The following PRH1 variants were observed in gnomAD, a reference collection of about 807,000 sequenced individuals.
The protein encoded by PRH1 is salivary acidic proline-rich phosphoprotein 1/2.
Under a neutral mutation model 7.9 loss-of-function variants are expected in PRH1, and 7 were observed. The ratio of observed to expected loss-of-function variants is 0.89; its 90% confidence interval spans 0.50 to 1.67. The LOEUF is 1.67. Ranked by LOEUF, PRH1 falls within the 40% of genes most tolerant of loss-of-function variation. The probability of loss-of-function intolerance (pLI) is 0.00; values close to 1 mark genes in which losing one functional copy is unlikely to be tolerated. For missense variants in PRH1, 109 were observed against 223.6 expected, an observed-to-expected ratio of 0.49 and a Z score of 3.27; for synonymous variants, 45 against 80.8, an observed-to-expected ratio of 0.56 and a Z score of 2.38.
intron 1 of PRH1, among the ~76,000 whole-genome samples, chr12:11,126,009 T>C (rs1453316914): frequency 6.6e-6 from 1 of 152,260 alleles, no homozygotes; most frequent in Non-Finnish European, 1.5e-5. Flanking sequence ...CAGCCTATTT[T>C]ATATTCATTC....
At chr12:10,931,534 C>A (rs1225404566) in intron 2 of PRH1, among the ~76,000 whole-genome samples, 1 of 152,184 alleles carries the variant, frequency 6.6e-6, no homozygotes, top group African/African-American at 2.4e-5. Flanking sequence ...ACACATTTCA[C>A]ATTTAAAGTC....
chr12:11,155,037 T>C (rs1368998570), intron 1 of PRH1, among the ~76,000 whole-genome samples: 1 of 152,228 alleles, frequency 6.6e-6, no homozygotes, highest in Non-Finnish European at 1.5e-5. Flanking sequence ...AGAGTTTTAA[T>C]AGAAAAATCC....
Position 11,122,019 on chromosome 12 carries a change from A to G in PRH1, n.40-839T>C, listed in dbSNP as rs148220795. 1.3e-4 allele frequency among the ~76,000 whole-genome samples: 20 copies of G among 152,376 alleles called. No individual in the cohort carries two copies. The East Asian group carries it at 3.9e-3, about 29-fold the overall frequency. On this transcript the variant is annotated intron_variant and non_coding_transcript_variant, in intron 1 of 1. Transcript: ENST00000541175. Reference sequence around the variant, plus strand: ...ACTATCATATAATAAACATACATATATATGTGAAATGTACTCGGCTTCATA... The same window carrying G: ...ACTATCATATAATAAACATACATATGTATGTGAAATGTACTCGGCTTCATA...
chr12:10,900,862 T>C (rs753514070), intron 2 of PRH1, among the ~76,000 whole-genome samples: 25 of 152,240 alleles, frequency 1.6e-4, no homozygotes, highest in Middle Eastern at 3.4e-3. Flanking sequence ...TCCCAGGATT[T>C]TGGAGCACCT....
At chr12:11,108,133 AG>A (rs1311381556) in intron 1 of PRH1, among the ~76,000 whole-genome samples, 1 of 152,236 alleles carries the variant, frequency 6.6e-6, no homozygotes, top group Non-Finnish European at 1.5e-5. Flanking sequence ...GACCAACAAA[AG>A]CTGAGTGATT....
intron 1 of PRH1, among the ~76,000 whole-genome samples, chr12:11,093,098 A>C (rs140259443): frequency 0.032 from 3,644 of 115,040 alleles, 1,030 homozygotes; most frequent in Middle Eastern, 0.047. Context: ...CCTTGTGTAA[A>C]CTCTCCATCA....
At chr12:10,986,156 GA>G in intron 1 of PRH1, 1 of 1,614,046 alleles carries the variant, frequency 6.2e-7, no homozygotes, top group Non-Finnish European at 8.5e-7. Flanking sequence ...CACATAACAA[GA>G]GGAAGGAGAT....
chr12:11,168,885 GA>G (rs1947718787), intron 1 of PRH1, among the ~76,000 whole-genome samples: 1 of 152,248 alleles, frequency 6.6e-6, no homozygotes, highest in South Asian at 2.1e-4. Context: ...AAATGGCTGA[GA>G]AAAATTAGCT....
At chr12:11,150,034 G>C (rs1442343036) in intron 1 of PRH1, among the ~76,000 whole-genome samples, 1 of 126,306 alleles carries the variant, frequency 7.9e-6, no homozygotes. Flanking sequence ...CTTCTCAAAA[G>C]AAGACATTTA....
exon 2 of PRH1, chr12:11,121,032 T>A (rs1187519500): frequency 6.5e-6 from 1 of 153,908 alleles, no homozygotes; most frequent in Non-Finnish European, 1.5e-5. Context: ...GATGCAGTCT[T>A]ATTCCCCTTC....
At chr12:11,122,211 A>G (rs2708340) in intron 1 of PRH1, among the ~76,000 whole-genome samples, 69,274 of 126,358 alleles carry the variant, frequency 0.55, 16,569 homozygotes, top group Non-Finnish European at 0.63. Flanking sequence ...CATTTACCAT[A>G]AGGACATCAT....
At chr12:10,955,281 C>T (rs1306838443) in intron 2 of PRH1, among the ~76,000 whole-genome samples, 1 of 151,984 alleles carries the variant, frequency 6.6e-6, no homozygotes, top group Non-Finnish European at 1.5e-5. Flanking sequence ...TAAGAAAATA[C>T]CTTAAAACCA....
At chr12:11,127,913 T>A (rs1362134815) in intron 1 of PRH1, among the ~76,000 whole-genome samples, 1 of 152,046 alleles carries the variant, frequency 6.6e-6, no homozygotes, top group Non-Finnish European at 1.5e-5. Flanking sequence ...GAGACCATCC[T>A]GGCTAACACG....
intron 1 of PRH1, among the ~76,000 whole-genome samples, chr12:11,146,489 T>A (rs955009539): frequency 6.6e-6 from 1 of 152,158 alleles, no homozygotes; most frequent in African/African-American, 2.4e-5. Flanking sequence ...CTAGTTTTAA[T>A]ACTCTTTCTG....
At chr12:11,038,827 A>G (rs1250406386) in intron 1 of PRH1, among the ~76,000 whole-genome samples, 2 of 139,246 alleles carry the variant, frequency 1.4e-5, no homozygotes, top group Admixed American at 1.5e-4. Flanking sequence ...ATAATGCCAT[A>G]CTCGGCCGAA....
intron 1 of PRH1, among the ~76,000 whole-genome samples, chr12:11,015,933 G>T (rs1203429609): frequency 1.3e-5 from 2 of 152,182 alleles, no homozygotes; most frequent in Admixed American, 6.5e-5. Context: ...TCCCTGCAGG[G>T]CACGTTCTTC....
chr12:11,120,482 A>G (rs979662968), downstream of PRH1, among the ~76,000 whole-genome samples: 1 of 152,046 alleles, frequency 6.6e-6, no homozygotes, highest in Non-Finnish European at 1.5e-5. Context: ...TGTTACTTCA[A>G]CCCAGTAACT....
chr12:10,883,179 T>A, intron 1 of PRH1, 83 bp from the exon 2 acceptor site: 1 of 1,462,460 alleles, frequency 6.8e-7, no homozygotes, highest in Non-Finnish European at 9.6e-7. Context: ...ATAAAGGACC[T>A]CTGATCACAC....
chr12:11,099,338 C>A (rs567152557), intron 1 of PRH1, among the ~76,000 whole-genome samples: 5 of 151,964 alleles, frequency 3.3e-5, no homozygotes, highest in African/African-American at 1.2e-4. Flanking sequence ...ATTGCCCCCA[C>A]CTGATCCAGA....
Sources: allele counts gnomAD v4.1 joint callset (sites outside exome capture counted in the v4.1 genomes callset), GRCh38; gene constraint gnomAD v4.1.1; transcripts MANE v1.5; gene names NCBI Gene and HGNC (gene_info 2026-07-23, HGNC 2026-07-21).